RBM47: variants seen among roughly 807,000 people sequenced by gnomAD.
RBM47 encodes the protein RNA-binding protein 47.
Under a neutral mutation model 47.1 loss-of-function variants are expected in RBM47, and 21 were observed. The observed-to-expected ratio is 0.45, with a 90% confidence interval of 0.32 to 0.64. The LOEUF is 0.64. Ranked by LOEUF, RBM47 falls within the 30% of genes least tolerant of loss-of-function variation. The pLI, the probability that RBM47 is intolerant of heterozygous loss-of-function variation, is 0.05. For missense variants in RBM47, 708 were observed against 870.9 expected (o/e 0.81, Z 2.35); for synonymous variants, 375 against 361.7 (o/e 1.04, Z -0.42).
At chr4:40,591,589 G>A (rs1172479300) in intron 1 of RBM47, among the ~76,000 whole-genome samples, 1 of 152,170 alleles carries the variant, frequency 6.6e-6, no homozygotes, top group Non-Finnish European at 1.5e-5. Flanking sequence ...AGCTACTCGG[G>A]AGGCTGGGGC....
Position 40,629,378 on chromosome 4 carries a change from T to C in RBM47, c.-240+18A>G, listed in dbSNP as rs185223518. On this transcript the variant is annotated intron_variant, in intron 1 of 6. Transcript: ENST00000295971. ...ATTAAGGGACAATAGTTAGAAGGAC[T>C]ACCAAAAACCACCTTACCTTTCCTT... The C allele has an allele frequency of 1.6e-4, 25 of 152,312 alleles. 1 individual carries two copies. The East Asian group carries it at 4.2e-3, about 26-fold the overall frequency. 9.4% of individuals were successfully genotyped at this position (152,312 alleles called of 1,614,324 possible).
At chr4:40,630,491 C>A (rs1024472959), upstream of RBM47, 1 of 152,236 alleles carries the variant, frequency 6.6e-6, no homozygotes, top group Non-Finnish European at 1.5e-5. Flanking sequence ...TGGCCGCGCG[C>A]AGGCAGGAGC....
intron 2 of RBM47, among the ~76,000 whole-genome samples, chr4:40,522,848 C>T (rs1028002148): frequency 1.3e-5 from 2 of 151,630 alleles, no homozygotes; most frequent in African/African-American, 2.4e-5. Flanking sequence ...AATGAGCTTA[C>T]TATTATTCTT....
intron 1 of RBM47, among the ~76,000 whole-genome samples, chr4:40,618,796 G>A (rs368461852): frequency 1.4e-3 from 164 of 116,418 alleles, no homozygotes; most frequent in Non-Finnish European, 1.9e-3. Context: ...GCAACAGAGC[G>A]AGACTCCATC....
At chr4:40,531,816 CATT>C (rs1727415379) in intron 2 of RBM47, among the ~76,000 whole-genome samples, 1 of 151,984 alleles carries the variant, frequency 6.6e-6, no homozygotes, top group African/African-American at 2.4e-5. Context: ...TAGGAATTAA[CATT>C]ATGACTTGAA....
At chr4:40,600,180 A>G (rs902111776) in intron 1 of RBM47, among the ~76,000 whole-genome samples, 1 of 144,900 alleles carries the variant, frequency 6.9e-6, no homozygotes, top group Admixed American at 6.9e-5. Context: ...TTTTTTATGA[A>G]TTTTTTTTTT....
intron 6 of RBM47, 109 bp from the exon 7 acceptor site, chr4:40,426,252 A>T (rs1373616193): frequency 1.1e-5 from 16 of 1,408,764 alleles, no homozygotes; most frequent in Non-Finnish European, 1.5e-5. Context: ...CACAAAAGCA[A>T]GGGAGAGAAA....
intron 1 of RBM47, among the ~76,000 whole-genome samples, chr4:40,609,543 C>T (rs1028928235): frequency 2.0e-5 from 3 of 151,624 alleles, no homozygotes; most frequent in Non-Finnish European, 4.4e-5. Context: ...GAACTCCTGA[C>T]CTCAAGTGAT....
At chr4:40,486,054 A>G (rs1293006488) in intron 2 of RBM47, among the ~76,000 whole-genome samples, 2 of 144,050 alleles carry the variant, frequency 1.4e-5, no homozygotes, top group Admixed American at 7.1e-5. Flanking sequence ...TGGACAACAG[A>G]GCAAAACCCT....
chr4:40,589,147 T>C (rs1733886596), intron 1 of RBM47, among the ~76,000 whole-genome samples: 1 of 151,390 alleles, frequency 6.6e-6, no homozygotes, highest in Non-Finnish European at 1.5e-5. Context: ...CTAATTTTTT[T>C]AGTAGAGATG....
intron 1 of RBM47, among the ~76,000 whole-genome samples, chr4:40,618,862 G>T: frequency 7.0e-6 from 1 of 143,784 alleles, no homozygotes. Flanking sequence ...TCCTTGGGAT[G>T]TTTGAACAGG....
chr4:40,575,552 C>CAAAA (rs33963787), intron 1 of RBM47, among the ~76,000 whole-genome samples: 2 of 98,366 alleles, frequency 2.0e-5, no homozygotes, highest in East Asian at 3.0e-4. Context: ...AACTCCATCT[C>CAAAA]AAAAAAAAAA....
At chr4:40,491,156 A>G (rs1204397762) in intron 2 of RBM47, among the ~76,000 whole-genome samples, 2 of 152,228 alleles carry the variant, frequency 1.3e-5, no homozygotes, top group East Asian at 3.8e-4. Flanking sequence ...ATGAGAGTTC[A>G]GGGAAAAAAC....
intron 2 of RBM47, among the ~76,000 whole-genome samples, chr4:40,510,218 T>G (rs1724748200): frequency 6.8e-6 from 1 of 146,262 alleles, no homozygotes; most frequent in Admixed American, 6.8e-5. Context: ...GTAAAGAAAC[T>G]TACATGGTAG....
At chr4:40,470,016 C>T (rs1718614293) in intron 2 of RBM47, among the ~76,000 whole-genome samples, 1 of 152,160 alleles carries the variant, frequency 6.6e-6, no homozygotes, top group African/African-American at 2.4e-5. Context: ...GCTTCACATT[C>T]CTCCTGACAC....
intron 2 of RBM47, among the ~76,000 whole-genome samples, chr4:40,511,345 C>G (rs1196724510): frequency 6.6e-6 from 1 of 152,194 alleles, no homozygotes; most frequent in African/African-American, 2.4e-5. Context: ...CCAGAAATTT[C>G]AGCCTCATGA....
intron 2 of RBM47, among the ~76,000 whole-genome samples, chr4:40,540,584 A>G (rs1728414488): frequency 6.6e-6 from 1 of 150,774 alleles, no homozygotes; most frequent in African/African-American, 2.4e-5. Context: ...GGTTGCAGTG[A>G]GTCAAGATCA....
intron 2 of RBM47, among the ~76,000 whole-genome samples, chr4:40,525,869 TG>T (rs11315392): frequency 0.54 from 82,218 of 152,014 alleles, 25,734 homozygotes; most frequent in African/African-American, 0.88. Flanking sequence ...GCCCTGGGGC[TG>T]GCCTGGCAGT....
At position 40,438,853 on chromosome 4, in the gene RBM47, G is replaced by C; in HGVS notation, c.41C>G (p.Ser14Trp). 1.3e-6 allele frequency: 2 copies of C among 1,559,940 alleles called. No individual in the cohort carries two copies. The highest frequency in any genetic ancestry group is 1.7e-6 in the Non-Finnish European group (2 of 1,158,780). ...CACCTTGGCGGAGGACCCGGCGGCC[G>C]AGTCACTGCTCATGGCTGCGGTGGA... ...EDSTAAMSSD[S>W]AAGSSAKVPE... The change falls in exon 4 of 7, where the codon TCG (serine) becomes TGG (tryptophan). Residue 14 changes from serine (S) to tryptophan (W), a missense_variant. Ser to Trp is a radical substitution (Grantham distance 177). Transcript: ENST00000295971.
Sources: gnomAD v4.1 joint callset for allele counts (sites outside exome capture counted in the v4.1 genomes callset) on GRCh38, gnomAD v4.1.1 for gene constraint, MANE v1.5 for transcripts, NCBI Gene and HGNC (gene_info 2026-07-23, HGNC 2026-07-21) for gene names.